ZNF737: variants seen among roughly 807,000 people sequenced by gnomAD.
ZNF737 encodes zinc finger protein 102 (Y3).
In ZNF737, 13 loss-of-function variants were observed where a neutral mutation model predicts 11.7. That is an observed-to-expected ratio of 1.11 (90% confidence interval 0.73 to 1.77). ZNF737 has a LOEUF of 1.77. Among genes scored for constraint, ZNF737 ranks in the 40% most tolerant of loss-of-function variants. The probability of loss-of-function intolerance (pLI) is 0.00; values close to 1 mark genes in which losing one functional copy is unlikely to be tolerated. For missense variants in ZNF737, 636 were observed against 638.0 expected (o/e 1.00, Z 0.03); for synonymous variants, 217 against 216.2 (o/e 1.00, Z -0.03).
rs1287713710 is a variant in ZNF737, at chr19:20,565,735, G to C, written c.-95C>G. On this transcript the variant is annotated 5_prime_UTR_variant, in exon 1 of 4. Coordinates refer to ENST00000427401, the MANE Select transcript of ZNF737 (RefSeq NM_001159293.2). Reference sequence around the variant, plus strand: ...CAGAGGCTGGGCCTCTAGGAGCAGAGGACACACAGCAGTGAAGACAAGACC... The same window carrying C: ...CAGAGGCTGGGCCTCTAGGAGCAGACGACACACAGCAGTGAAGACAAGACC... 1.6e-5 allele frequency: 26 copies of C among 1,577,898 alleles called. No homozygotes were observed. The highest frequency in any genetic ancestry group is 3.3e-5 in the Admixed American group (2 of 59,960).
Position 20,542,026 on chromosome 19 carries a change from T to A in ZNF737, c.*2566A>T. ...AAATTTAATCTATGGGAACAATATT[T>A]AACTCATTTGCAGTTTAAAGCCACT... is the stretch of plus-strand genomic sequence containing the variant. On this transcript the variant is annotated 3_prime_UTR_variant, in exon 4 of 4. Coordinates refer to ENST00000427401, the MANE Select transcript of ZNF737 (RefSeq NM_001159293.2). 3.0e-6 allele frequency: 3 copies of A among 984,616 alleles called. No individual in the cohort carries two copies. Among genetic ancestry groups the A allele is most frequent in the Non-Finnish European group, 2.4e-6 (2 of 829,218 alleles). The allele number at this position is 984,616 out of a possible 1,614,324, so 61.0% of individuals were successfully genotyped here.
intron 1 of ZNF737, among the ~76,000 whole-genome samples, chr19:20,564,820 A>G (rs1326504324): frequency 2.2e-4 from 3 of 13,946 alleles, no homozygotes; most frequent in Non-Finnish European, 4.8e-4. Flanking sequence ...TTTCTACCTC[A>G]AAAAAAAAAA....
In ZNF737 at chr19:20,539,770, C is replaced by A; in HGVS notation, c.*4822G>T. On this transcript the variant is annotated 3_prime_UTR_variant, in exon 4 of 4. Coordinates refer to ENST00000427401, the MANE Select transcript of ZNF737 (RefSeq NM_001159293.2). ...GTAAGTTCAATTTTAGGACATTACCCACTGGTCTTCATGGCATTTCTGTAA... is the reference window on the plus strand; with the variant it reads ...GTAAGTTCAATTTTAGGACATTACCAACTGGTCTTCATGGCATTTCTGTAA... 1.0e-6 allele frequency: 1 copy of A among 985,356 alleles called. No individual in the cohort carries two copies. Among genetic ancestry groups the A allele is most frequent in the Non-Finnish European group, 1.2e-6 (1 of 829,904 alleles). The allele number at this position is 985,356 out of a possible 1,614,324, so 61.0% of individuals were successfully genotyped here.
In ZNF737 at chr19:20,553,725, T is replaced by A. The variant is rs1489349689; in HGVS notation, c.114A>T (p.Arg38Ser). ...LYRNVMLENY[R>S]NLVFLGIVVS... ...TTTTCTCACCAAGGAAGACCAGGTT[T>A]CTGTAGTTCTCTAACATCACATTCC... The change falls in exon 2 of 4, where the codon AGA becomes AGT. Residue 38 changes from arginine (R) to serine (S), a missense_variant. Coordinates refer to ENST00000427401, the MANE Select transcript of ZNF737 (RefSeq NM_001159293.2). 7.4e-6 allele frequency: 12 copies of A among 1,613,808 alleles called. No homozygotes were observed. The highest frequency in any genetic ancestry group is 5.3e-5 in the African/African-American group (4 of 74,940).
chr19:20,549,716 G>C (rs1177408342), intron 3 of ZNF737, among the ~76,000 whole-genome samples: 1 of 146,676 alleles, frequency 6.8e-6, no homozygotes, highest in Non-Finnish European at 1.5e-5. Context: ...GATCACCTGA[G>C]GTCAGGAGTT....
rs782390145 is a variant in ZNF737 at position 20,545,477 on chromosome 19, T to G, written c.726A>C (p.Ser242=). The change falls in exon 4 of 4, where the codon TCA becomes TCC. Residue 242 remains serine (S), a synonymous_variant. Coordinates refer to ENST00000427401, the MANE Select transcript of ZNF737 (RefSeq NM_001159293.2). ...EDCGKAFSRF[S]YLTAHKIIHS... is the part of the protein sequence containing the mutation. The stretch of plus-strand genomic sequence containing the variant: ...GAATTATCTTATGTGCAGTAAGGTA[T>G]GAAAACCGGCTAAAGGCTTTGCCAC... 8.7e-6 allele frequency: 14 copies of G among 1,613,326 alleles called. No homozygotes were observed. In the African/African-American group the frequency reaches 1.9e-4, roughly 22 times the overall value.
chr19:20,552,420 A>G lies in ZNF737; in HGVS notation c.226+55T>C. ...ACTTTAAGGACTGGCTTTCTCTTTG[A>G]CTTTGGGACCTCTTATCTGTGTCGT... On this transcript the variant is annotated intron_variant, in intron 3 of 3. Transcript: ENST00000427401. 1.5e-6 allele frequency: 2 copies of G among 1,316,956 alleles called. 1 individual carries two copies. The highest frequency in any genetic ancestry group is 3.0e-5 in the South Asian group (2 of 67,730). 81.6% of individuals were successfully genotyped at this position (1,316,956 alleles called of 1,614,324 possible).
rs551992867 is a variant in ZNF737, at chr19:20,539,795, A to G, written c.*4797T>C. The G allele has an allele frequency of 8.1e-6, 8 of 985,442 alleles. No individual in the cohort carries two copies. The East Asian group carries it at 7.9e-4, about 98-fold the overall frequency. The allele number at this position is 985,442 out of a possible 1,614,324, so 61.0% of individuals were successfully genotyped here. A position where few individuals can be genotyped will look rare whatever the true frequency, so the allele number is the denominator to read the frequency against. ...CACTGGTCTTCATGGCATTTCTGTAATAAATAGTGTAAACCTGTGTCACCA... is the reference window on the plus strand; with the variant it reads ...CACTGGTCTTCATGGCATTTCTGTAGTAAATAGTGTAAACCTGTGTCACCA... On this transcript the variant is annotated 3_prime_UTR_variant, in exon 4 of 4. Transcript: ENST00000427401.
At chr19:20,552,078 T>C (rs10411702) in intron 3 of ZNF737, among the ~76,000 whole-genome samples, 1 of 151,190 alleles carries the variant, frequency 6.6e-6, no homozygotes, top group South Asian at 2.1e-4. Context: ...AACAAAAAAA[T>C]TGGACAGAAA....
At chr19:20,563,307 A>G (rs1555762966) in intron 1 of ZNF737, among the ~76,000 whole-genome samples, 2 of 149,392 alleles carry the variant, frequency 1.3e-5, no homozygotes, top group African/African-American at 5.0e-5. Context: ...GCTCCCCAGA[A>G]AAAAACTGAG....
rs944489379 is a variant in ZNF737, at chr19:20,542,064, T to A, written c.*2528A>T. The A allele has an allele frequency of 1.4e-5, 14 of 985,114 alleles. 1 individual carries two copies. The Admixed American group carries it at 4.9e-4, about 35-fold the overall frequency. 61.0% of individuals were successfully genotyped at this position (985,114 alleles called of 1,614,324 possible). A position where few individuals can be genotyped will look rare whatever the true frequency, so the allele number is the denominator to read the frequency against. On this transcript the variant is annotated 3_prime_UTR_variant, in exon 4 of 4. Coordinates refer to ENST00000427401, the MANE Select transcript of ZNF737 (RefSeq NM_001159293.2). ...GTTTAAAGCCACTGACAGTGATTAC[T>A]AAAGATGTTATTTTACAATGTATGA... is the stretch of plus-strand genomic sequence containing the variant.
chr19:20,532,481 A>G (rs1157328110), downstream of ZNF737, among the ~76,000 whole-genome samples: 3 of 149,988 alleles, frequency 2.0e-5, no homozygotes, highest in Non-Finnish European at 4.4e-5. Context: ...ATCTATATGT[A>G]CAGAAAGAAG....
downstream of ZNF737, among the ~76,000 whole-genome samples, chr19:20,533,557 G>A (rs33946): frequency 0.63 from 94,250 of 149,172 alleles, 32,827 homozygotes; most frequent in African/African-American, 0.83. Flanking sequence ...AAGGATGCAG[G>A]TGTAGAATTA....
At chr19:20,556,785 AAAC>A (rs1225805069) in intron 1 of ZNF737, among the ~76,000 whole-genome samples, 2 of 152,346 alleles carry the variant, frequency 1.3e-5, no homozygotes, top group South Asian at 4.1e-4. Flanking sequence ...TGTTTTTAAA[AAAC>A]AACATGTACA....
intron 3 of ZNF737, among the ~76,000 whole-genome samples, chr19:20,546,519 A>T: frequency 6.6e-6 from 1 of 151,796 alleles, no homozygotes; most frequent in Non-Finnish European, 1.5e-5. Context: ...CACACACAAA[A>T]CTCTCCAGTC....
chr19:20,531,456 AGTTT>A (rs60240387), downstream of ZNF737, among the ~76,000 whole-genome samples: 5 of 148,282 alleles, frequency 3.4e-5, no homozygotes, highest in Admixed American at 6.7e-5. Flanking sequence ...TCATTTTGTT[AGTTT>A]GTTTTGTTTT....
At chr19:20,560,795 GAA>G (rs1466007747) in intron 1 of ZNF737, among the ~76,000 whole-genome samples, 1 of 151,952 alleles carries the variant, frequency 6.6e-6, no homozygotes, top group Admixed American at 6.6e-5. Context: ...AAAAAAGAAA[GAA>G]AGAAAAAGAA....
Position 20,540,691 on chromosome 19 carries a change from G to A in ZNF737, c.*3901C>T, listed in dbSNP as rs1968165541. The stretch of plus-strand genomic sequence containing the variant: ...GGAGAATTGCTTGAACCCAGGAGGT[G>A]GAGGTTGCCATGAGCTGAGATCACG... On this transcript the variant is annotated 3_prime_UTR_variant, in exon 4 of 4. Coordinates refer to ENST00000427401, the MANE Select transcript of ZNF737 (RefSeq NM_001159293.2). 1 of 506,430 alleles carries A rather than the reference G, an allele frequency of 2.0e-6. No individual in the cohort carries two copies. Among genetic ancestry groups the A allele is most frequent in the Admixed American group, 6.4e-5 (1 of 15,650 alleles). 31.4% of individuals were successfully genotyped at this position (506,430 alleles called of 1,614,324 possible). A position where few individuals can be genotyped will look rare whatever the true frequency, so the allele number is the denominator to read the frequency against.
chr19:20,559,320 A>C (rs1968997160), intron 1 of ZNF737, among the ~76,000 whole-genome samples: 1 of 152,220 alleles, frequency 6.6e-6, no homozygotes, highest in African/African-American at 2.4e-5. Flanking sequence ...TTAGAAACTT[A>C]AACAAGTTTA....
Sources: gnomAD v4.1 joint callset for allele counts (sites outside exome capture counted in the v4.1 genomes callset) on GRCh38, gnomAD v4.1.1 for gene constraint, MANE v1.5 for transcripts, NCBI Gene and HGNC (gene_info 2026-07-23, HGNC 2026-07-21) for gene names.